The following PRKDC variants were observed in gnomAD, a reference collection of about 807,000 sequenced individuals.
PRKDC encodes DNA-dependent protein kinase catalytic subunit.
Under a neutral mutation model 486.9 loss-of-function variants are expected in PRKDC, and 82 were observed. The ratio of observed to expected loss-of-function variants is 0.17; its 90% CI spans 0.14 to 0.20. The LOEUF is 0.20. PRKDC is among the 10% of genes least tolerant of loss of function. The pLI is 1.00. For synonymous variants in PRKDC, 1,895 were observed against 1,837.0 expected, an observed-to-expected ratio of 1.03 and a Z score of -0.81; for missense variants, 4,504 against 5,038.2, an observed-to-expected ratio of 0.89 and a Z score of 3.21.
chr8:47,812,809 G>C (rs1249449333), intron 68 of PRKDC, among the ~76,000 whole-genome samples: 1 of 151,910 alleles, frequency 6.6e-6, no homozygotes, highest in Non-Finnish European at 1.5e-5. Context: ...CTGATCCTTT[G>C]AAAAAGCAAA....
Position 47,904,860 on chromosome 8 carries a change from A to C in PRKDC, c.3042+9T>G. 3 of 1,534,604 alleles carry C rather than the reference A, an allele frequency of 2.0e-6. No homozygotes were observed. The highest frequency in any genetic ancestry group is 2.7e-6 in the Non-Finnish European group (3 of 1,112,360). On this transcript the variant is annotated intron_variant, in intron 26 of 85. Coordinates refer to ENST00000314191, the MANE Select transcript of PRKDC (RefSeq NM_006904.7). ...GGGAGTAAGAGGAAAAGAATCAACT[A>C]TTACTTACCAATATAGCTTCTAGTA...
intron 38 of PRKDC, 134 bp downstream of exon 38, chr8:47,881,282 G>T (rs578068955): frequency 1.6e-6 from 1 of 614,426 alleles, no homozygotes; most frequent in African/African-American, 1.9e-5. Flanking sequence ...TAAGTACGGG[G>T]GATTACTGTG....
At chr8:47,884,794 T>C (rs2089292784) in intron 36 of PRKDC, among the ~76,000 whole-genome samples, 1 of 152,206 alleles carries the variant, frequency 6.6e-6, no homozygotes, top group South Asian at 2.1e-4. Context: ...ACAGAACAAG[T>C]TAAATTTCAA....
rs2088696142 is a variant in PRKDC at position 47,862,301 on chromosome 8, TA to T, written c.5919+71del. 6 of 1,471,070 alleles carry T rather than the reference TA, an allele frequency of 4.1e-6. No individual in the cohort carries two copies. The Admixed American group carries it at 1.2e-4, about 29-fold the overall frequency. The allele number at this position is 1,471,070 out of a possible 1,614,324, so 91.1% of individuals were successfully genotyped here. A position where few individuals can be genotyped will look rare whatever the true frequency, so the allele number is the denominator to read the frequency against. On this transcript the variant is annotated intron_variant, in intron 43 of 85. Coordinates refer to ENST00000314191, the MANE Select transcript of PRKDC (RefSeq NM_006904.7). ...AATATAAGATGGTATAAATTATCTG[TA>T]AGTTTGACTGATATAATCTAACTTT...
chr8:47,943,316 G>A lies in PRKDC; in HGVS notation c.859C>T (p.Leu287=). Residue 287 remains leucine, a synonymous_variant, in exon 10 of 86, where the codon CTG becomes TTG. Transcript: ENST00000314191. ...TCAAATAGAGACACGTAGTTGTCCA[G>A]AAGGCAGGTGCTAAACTGAGATGCA... The part of the protein sequence containing the change: ...LHASQFSTCL[L]DNYVSLFEVL... 1 of 1,612,078 alleles carries A rather than the reference G, an allele frequency of 6.2e-7. No individual in the cohort carries two copies. Among genetic ancestry groups the A allele is most frequent in the South Asian group, 1.1e-5 (1 of 90,596 alleles).
At chr8:47,895,911 C>T (rs1410263761) in intron 30 of PRKDC, among the ~76,000 whole-genome samples, 1 of 151,936 alleles carries the variant, frequency 6.6e-6, no homozygotes, top group African/African-American at 2.4e-5. Flanking sequence ...TGGTAGCACA[C>T]GCCTGTAATC....
rs2088529688 is a variant in PRKDC, at chr8:47,855,938, GC to G, written c.6610-566del. ...TCCCATGACTCCAGAGTGAGTAAAA[GC>G]TTCACGGCAACCTTTCTGGCTTGCT... is the stretch of plus-strand genomic sequence containing the variant. On this transcript the variant is annotated intron_variant, in intron 49 of 85. Coordinates refer to ENST00000314191, the MANE Select transcript of PRKDC (RefSeq NM_006904.7). Among the ~76,000 whole-genome samples the G allele has an allele frequency of 2.6e-5, 4 of 152,288 alleles. No individual in the cohort carries two copies. The South Asian group carries it at 8.3e-4, about 32-fold the overall frequency.
Position 47,852,681 on chromosome 8 carries a change from T to C in PRKDC, c.6997A>G (p.Arg2333Gly), listed in dbSNP as rs764699446. 1 of 1,556,578 alleles carries C rather than the reference T, an allele frequency of 6.4e-7. No individual in the cohort carries two copies. Among genetic ancestry groups the C allele is most frequent in the Non-Finnish European group, 8.7e-7 (1 of 1,149,068 alleles). The change falls in exon 52 of 86, where the codon AGA (arginine) becomes GGA (glycine). Residue 2333 changes from arginine to glycine, a missense_variant. Physicochemically the swap from Arg to Gly is moderately radical, Grantham distance 125 (BLOSUM62 -2). Around this residue, in one of 6 missense-constraint regions of PRKDC, gnomAD observed 1,592 missense variants for 1,724.6 expected, o/e 0.92. Coordinates refer to ENST00000314191, the MANE Select transcript of PRKDC (RefSeq NM_006904.7). ...LGLILRYVME[R>G]KNILEESLCE... ...TTGTGTAGCACACTCACGTTTTTTC[T>C]CTCCATAACATATCGAAGTATAAGT...
rs1589768681 is a variant in PRKDC at position 47,889,337 on chromosome 8, T to C, written c.4072-115A>G. On this transcript the variant is annotated intron_variant, in intron 32 of 85. Coordinates refer to ENST00000314191, the MANE Select transcript of PRKDC (RefSeq NM_006904.7). ...CTGACTAAGGGAGAGGTGGGCAGAG[T>C]TTCTCTGTAAAACGGGGGCACAGTA... is the stretch of plus-strand genomic sequence containing the variant. 5.2e-5 allele frequency: 45 copies of C among 859,844 alleles called. No individual in the cohort carries two copies. In the East Asian group the frequency reaches 1.1e-3, roughly 21 times the overall value. The allele number at this position is 859,844 out of a possible 1,614,324, so 53.3% of individuals were successfully genotyped here. A position where few individuals can be genotyped will look rare whatever the true frequency, so the allele number is the denominator to read the frequency against.
chr8:47,860,915 T>C lies in PRKDC; in HGVS notation c.6042A>G (p.Ala2014=). Reference sequence around the variant, plus strand: ...ACATCCTACCTGAATCCCCATTTGCTGCTTCTCTGGCTTCTTTCCTAATTT... The same window carrying C: ...ACATCCTACCTGAATCCCCATTTGCCGCTTCTCTGGCTTCTTTCCTAATTT... ...YIEIRKEARE[A]ANGDSDGPSY... Residue 2014 remains alanine, a synonymous_variant, in exon 45 of 86, where the codon GCA becomes GCG. Coordinates refer to ENST00000314191, the MANE Select transcript of PRKDC (RefSeq NM_006904.7). 5 of 1,608,904 alleles carry C rather than the reference T, an allele frequency of 3.1e-6. No homozygotes were observed. Among genetic ancestry groups the C allele is most frequent in the African/African-American group, 1.3e-5 (1 of 74,932 alleles).
intron 11 of PRKDC, 43 bp from the exon 12 acceptor site, chr8:47,936,560 G>C (rs375644183): frequency 6.3e-7 from 1 of 1,598,176 alleles, no homozygotes; most frequent in South Asian, 1.1e-5. Context: ...ATCTTATCAA[G>C]ATCAAAATAA....
chr8:47,795,176 G>T (rs1390222211), intron 73 of PRKDC, among the ~76,000 whole-genome samples: 2 of 147,116 alleles, frequency 1.4e-5, no homozygotes, highest in Non-Finnish European at 3.0e-5. Flanking sequence ...GTGAGCCACC[G>T]TGCCTGGCCA....
At chr8:47,927,056 T>G in intron 21 of PRKDC, 138 bp downstream of exon 21, 1 of 853,416 alleles carries the variant, frequency 1.2e-6, no homozygotes, top group South Asian at 2.2e-5. Flanking sequence ...ATTAGGGAAA[T>G]TACAAAAATA....
chr8:47,801,285 T>C (rs1167858742), intron 70 of PRKDC, among the ~76,000 whole-genome samples: 1 of 152,172 alleles, frequency 6.6e-6, no homozygotes, highest in Admixed American at 6.5e-5. Flanking sequence ...TTGCCCACGC[T>C]GGTCTCGAAC....
intron 63 of PRKDC, among the ~76,000 whole-genome samples, chr8:47,825,504 C>CAA (rs397891351): frequency 0.021 from 217 of 10,236 alleles, 39 homozygotes; most frequent in East Asian, 0.082. Flanking sequence ...AAGACTGTCT[C>CAA]AAAAAAAAAA....
In PRKDC at chr8:47,882,039, T is replaced by C; in HGVS notation, c.4835A>G (p.Lys1612Arg). ...DQSFRERANQ[K>R]HQGLKLATTI... ...AGTCGCAAGTTTCAGTCCTTGGTGT[T>C]TCTGGTTTGCTCGCTCCCTGAAGCT... Residue 1612 changes from lysine (K) to arginine (R), a missense_variant, in exon 37 of 86, where the codon AAA becomes AGA. By Grantham distance (26) the Lys-to-Arg change is conservative. Coordinates refer to ENST00000314191, the MANE Select transcript of PRKDC (RefSeq NM_006904.7). The C allele has an allele frequency of 6.2e-7, 1 of 1,614,032 alleles. No individual in the cohort carries two copies. Among genetic ancestry groups the C allele is most frequent in the South Asian group, 1.1e-5 (1 of 91,080 alleles).
rs2090664104 is a variant in PRKDC, at chr8:47,953,926, A to G, written c.509-7T>C. 1.3e-6 allele frequency: 2 copies of G among 1,502,024 alleles called. No homozygotes were observed. The highest frequency in any genetic ancestry group is 2.5e-5 in the East Asian group (1 of 40,522). The allele number at this position is 1,502,024 out of a possible 1,614,324, so 93.0% of individuals were successfully genotyped here. A position where few individuals can be genotyped will look rare whatever the true frequency, so the allele number is the denominator to read the frequency against. On this transcript the variant is annotated splice_polypyrimidine_tract_variant and splice_region_variant and intron_variant, in intron 5 of 85. Coordinates refer to ENST00000314191, the MANE Select transcript of PRKDC (RefSeq NM_006904.7). ...TCATATACTTTTTCTAAAACTGAAA[A>G]GAAAATTTTAGACAAGTGAAGGCCT...
Position 47,943,304 on chromosome 8 carries a change from C to T in PRKDC, c.871G>A (p.Val291Met), listed in dbSNP as rs372117480. 212 of 1,612,168 alleles carry T rather than the reference C, an allele frequency of 1.3e-4. No individual in the cohort carries two copies. Among genetic ancestry groups the T allele is most frequent in the Middle Eastern group, 8.2e-4 (5 of 6,062 alleles). ...TTTAACAAGACTTCAAATAGAGACACGTAGTTGTCCAGAAGGCAGGTGCTA... is the reference window on the plus strand; with the variant it reads ...TTTAACAAGACTTCAAATAGAGACATGTAGTTGTCCAGAAGGCAGGTGCTA... ...QFSTCLLDNYVSLFEVLLKWC... is the reference protein window; with the variant it reads ...QFSTCLLDNYMSLFEVLLKWC... Residue 291 changes from valine (V) to methionine (M), a missense_variant, in exon 10 of 86, where the codon GTG becomes ATG. By Grantham distance (21) the Val-to-Met change is conservative. Coordinates refer to ENST00000314191, the MANE Select transcript of PRKDC (RefSeq NM_006904.7).
chr8:47,811,538 A>G (rs180844769), intron 68 of PRKDC, among the ~76,000 whole-genome samples: 42 of 152,336 alleles, frequency 2.8e-4, no homozygotes, highest in African/African-American at 8.9e-4. Flanking sequence ...TATGTGAGGA[A>G]AACCACATAT....
Sources: allele counts gnomAD v4.1 joint callset (sites outside exome capture counted in the v4.1 genomes callset), GRCh38; gene constraint gnomAD v4.1.1; regional missense constraint gnomAD v4.1.1; transcripts MANE v1.5; gene names NCBI Gene and HGNC (gene_info 2026-07-23, HGNC 2026-07-21).